Variants in TIAM1 observed in about 807,000 individuals in gnomAD.
TIAM1 encodes rho guanine nucleotide exchange factor TIAM1.
A neutral mutation model predicts 163.5 loss-of-function variants in TIAM1; 65 were observed. The observed-to-expected ratio is 0.40, with a 90% CI of 0.33 to 0.49. TIAM1 has a LOEUF of 0.49. Among genes scored for constraint, TIAM1 ranks in the 20% least tolerant of loss-of-function variants. The probability of loss-of-function intolerance (pLI) is 0.77; values close to 1 mark genes in which losing one functional copy is unlikely to be tolerated. For missense variants in TIAM1, 1,789 were observed against 2,044.7 expected (o/e 0.87, Z 2.41); for synonymous variants, 833 against 810.1 (o/e 1.03, Z -0.48).
At chr21:31,540,456 T>C (rs964020298) in intron 1 of TIAM1, among the ~76,000 whole-genome samples, 1 of 149,912 alleles carries the variant, frequency 6.7e-6, no homozygotes, top group Admixed American at 6.6e-5. Flanking sequence ...AGTATTCAAG[T>C]GGCCGGAAGA....
rs140463762 is a variant in TIAM1, at chr21:31,491,765, T to C, written c.-421-27730A>G. Among the ~76,000 whole-genome samples the C allele has an allele frequency of 1.2e-3, 177 of 152,364 alleles. 1 individual carries two copies. The highest frequency in any genetic ancestry group is 3.7e-3 in the African/African-American group (152 of 41,592). On this transcript the variant is annotated intron_variant, in intron 1 of 28. Coordinates refer to the TIAM1 transcript ENST00000286827. ...AAGTTTAGACATTAAATAAAACTGA[T>C]TGATGAATCTACGAGACTTTGGAGA...
intron 2 of TIAM1, among the ~76,000 whole-genome samples, chr21:31,388,848 T>C (rs920812784): frequency 6.6e-6 from 1 of 152,174 alleles, no homozygotes; most frequent in African/African-American, 2.4e-5. Flanking sequence ...GCATTACCTA[T>C]CACTATAATT....
intron 2 of TIAM1, among the ~76,000 whole-genome samples, chr21:31,279,829 A>G (rs552549914): frequency 2.0e-5 from 3 of 152,356 alleles, no homozygotes; most frequent in East Asian, 1.9e-4. Context: ...AGAATGGGCC[A>G]GTATTATGCA....
intron 20 of TIAM1, 74 bp downstream of exon 20, chr21:31,146,821 A>G (rs1481921974): frequency 1.6e-6 from 2 of 1,246,166 alleles, no homozygotes; most frequent in Admixed American, 3.7e-5. Flanking sequence ...TTTCTGCCCA[A>G]AAGCCCCCAA....
chr21:31,233,284 A>AT (rs1229712928), intron 6 of TIAM1, among the ~76,000 whole-genome samples: 1 of 152,202 alleles, frequency 6.6e-6, no homozygotes, highest in Non-Finnish European at 1.5e-5. Flanking sequence ...GAAAGTTACC[A>AT]TTTTTTAAGA....
Position 31,364,529 on chromosome 21 carries a change from T to C in TIAM1, c.-368-25107A>G, listed in dbSNP as rs561946175. 5.9e-5 allele frequency among the ~76,000 whole-genome samples: 9 copies of C among 152,180 alleles called. No individual in the cohort carries two copies. The South Asian group carries it at 1.0e-3, about 18-fold the overall frequency. On this transcript the variant is annotated intron_variant, in intron 2 of 28. Transcript: ENST00000286827. Reference sequence around the variant, plus strand: ...TATATTTGAGCATGTGATGGTAGAATTGAGAAAGCACTGAGACATCAGCCA... The same window carrying C: ...TATATTTGAGCATGTGATGGTAGAACTGAGAAAGCACTGAGACATCAGCCA...
At chr21:31,335,331 A>C (rs964038140) in intron 2 of TIAM1, among the ~76,000 whole-genome samples, 2 of 152,198 alleles carry the variant, frequency 1.3e-5, no homozygotes, top group South Asian at 2.1e-4. Context: ...AAACCTAAAC[A>C]TGGTATTTCA....
upstream of TIAM1, among the ~76,000 whole-genome samples, chr21:31,345,001 T>G (rs1396930164): frequency 6.6e-6 from 1 of 152,196 alleles, no homozygotes; most frequent in Non-Finnish European, 1.5e-5. Flanking sequence ...AGCCATGCAA[T>G]GAACATCCCT....
chr21:31,353,385 C>T (rs2076265611), intron 2 of TIAM1, among the ~76,000 whole-genome samples: 1 of 152,320 alleles, frequency 6.6e-6, no homozygotes, highest in Admixed American at 6.5e-5. Context: ...AATTCCTCTT[C>T]CAGTCACAGG....
At chr21:31,294,278 TAAACC>T (rs767358057) in intron 2 of TIAM1, among the ~76,000 whole-genome samples, 40 of 152,186 alleles carry the variant, frequency 2.6e-4, no homozygotes, top group Non-Finnish European at 4.4e-4. Flanking sequence ...AAGTCACATT[TAAACC>T]AAACCAATGC....
chr21:31,227,384 A>G (rs2088051452), intron 6 of TIAM1, among the ~76,000 whole-genome samples: 1 of 152,200 alleles, frequency 6.6e-6, no homozygotes, highest in Non-Finnish European at 1.5e-5. Context: ...TTTGTATTCC[A>G]CAGAAGAAAC....
chr21:31,189,101 C>G (rs1197889318), intron 13 of TIAM1, among the ~76,000 whole-genome samples: 1 of 111,232 alleles, frequency 9.0e-6, no homozygotes, highest in Non-Finnish European at 1.7e-5. Context: ...GTTGTCTAGG[C>G]TGGAGTGGAG....
chr21:31,350,742 G>A (rs1186660577), intron 2 of TIAM1, among the ~76,000 whole-genome samples: 2 of 152,188 alleles, frequency 1.3e-5, no homozygotes, highest in African/African-American at 4.8e-5. Context: ...TGTACAGCCT[G>A]CAGAACCATG....
At chr21:31,366,459 G>A (rs957163054) in intron 2 of TIAM1, among the ~76,000 whole-genome samples, 1 of 152,126 alleles carries the variant, frequency 6.6e-6, no homozygotes, top group Non-Finnish European at 1.5e-5. Flanking sequence ...ACACACTCCT[G>A]GTTCCTTTTC....
At chr21:31,304,295 GGGAA>G (rs1401322038) in intron 2 of TIAM1, among the ~76,000 whole-genome samples, 1 of 152,158 alleles carries the variant, frequency 6.6e-6, no homozygotes, top group Non-Finnish European at 1.5e-5. Flanking sequence ...TGTAGCTAGA[GGGAA>G]GGAAAACGAA....
intron 11 of TIAM1, among the ~76,000 whole-genome samples, chr21:31,205,631 T>C (rs750861289): frequency 5.9e-5 from 9 of 152,222 alleles, no homozygotes; most frequent in Non-Finnish European, 1.3e-4. Flanking sequence ...GTGTAATGCA[T>C]TGCAGAGAAC....
chr21:31,430,730 T>G (rs1461754714), intron 2 of TIAM1, among the ~76,000 whole-genome samples: 2 of 152,236 alleles, frequency 1.3e-5, no homozygotes, highest in Admixed American at 6.5e-5. Flanking sequence ...TTCTAAATTC[T>G]TTATTGTTTT....
chr21:31,148,809 C>T (rs185907609), intron 19 of TIAM1, among the ~76,000 whole-genome samples: 276 of 152,288 alleles, frequency 1.8e-3, no homozygotes, highest in Non-Finnish European at 3.0e-3. Context: ...GACTTCAGAA[C>T]GCTTCTCACA....
intron 1 of TIAM1, among the ~76,000 whole-genome samples, chr21:31,495,409 T>C (rs2046606607): frequency 6.6e-6 from 1 of 152,188 alleles, no homozygotes; most frequent in Non-Finnish European, 1.5e-5. Flanking sequence ...TGTTCTCACC[T>C]GGCAGAAGGT....
Sources: gnomAD v4.1 joint callset for allele counts (sites outside exome capture counted in the v4.1 genomes callset) on GRCh38, gnomAD v4.1.1 for gene constraint, MANE v1.5 for transcripts, NCBI Gene and HGNC (gene_info 2026-07-23, HGNC 2026-07-21) for gene names.